The following TGFBR3 variants were observed in gnomAD, a reference collection of about 807,000 sequenced individuals.
TGFBR3 encodes transforming growth factor beta receptor 3, also known as transforming growth factor beta receptor type 3.
Under a neutral mutation model 87.9 loss-of-function variants are expected in TGFBR3, and 46 were observed. The ratio of observed to expected loss-of-function variants is 0.52; its 90% CI spans 0.41 to 0.67. TGFBR3 has a LOEUF of 0.67. TGFBR3 is among the 30% of genes least tolerant of loss of function. The probability of loss-of-function intolerance (pLI) is 0.00; values close to 1 mark genes in which losing one functional copy is unlikely to be tolerated. For missense variants in TGFBR3, 866 were observed against 1,041.9 expected (o/e 0.83, Z 2.32); for synonymous variants, 381 against 391.6 (o/e 0.97, Z 0.32).
chr1:91,721,918 G>A, intron 8 of TGFBR3, 37 bp downstream of exon 8: 1 of 1,585,822 alleles, frequency 6.3e-7, no homozygotes, highest in South Asian at 1.1e-5. Context: ...TCATTTGGGG[G>A]GTATTTTTTA....
At chr1:91,827,172 G>A (rs4658276) in intron 2 of TGFBR3, among the ~76,000 whole-genome samples, 43,570 of 151,996 alleles carry the variant, frequency 0.29, 7,016 homozygotes, top group African/African-American at 0.43. Context: ...TGGGGACGCC[G>A]TAGGTGTGAT....
rs867942218 is a variant in TGFBR3, at chr1:91,840,496, A to G, written c.61+20975T>C. Among the ~76,000 whole-genome samples the G allele has an allele frequency of 7.6e-3, 1,091 of 143,474 alleles. 34 individuals carry two copies. The highest frequency in any genetic ancestry group is 0.027 in the African/African-American group (1,032 of 38,278). The allele number at this position is 143,474 out of a possible 152,430, so 94.1% of individuals were successfully genotyped here. Reference sequence around the variant, plus strand: ...TTGTAATATCATGCATGATTTTGTAATATCATGCATGATTTTGTAATATCA... The same window carrying G: ...TTGTAATATCATGCATGATTTTGTAGTATCATGCATGATTTTGTAATATCA... On this transcript the variant is annotated intron_variant, in intron 2 of 16. Coordinates refer to ENST00000212355, the MANE Select transcript of TGFBR3 (RefSeq NM_003243.5).
intron 2 of TGFBR3, among the ~76,000 whole-genome samples, chr1:91,842,720 A>C (rs1242152093): frequency 3.9e-5 from 6 of 152,184 alleles, no homozygotes; most frequent in Non-Finnish European, 4.4e-5. Context: ...ATATTGTCTA[A>C]ATAAAGATTA....
In TGFBR3 at chr1:91,716,655, A is replaced by G. The variant is rs61748119; in HGVS notation, c.1620T>C (p.Tyr540=). 22 of 1,614,130 alleles carry G rather than the reference A, an allele frequency of 1.4e-5. No homozygotes were observed. The East Asian group carries it at 3.6e-4, about 26-fold the overall frequency. Residue 540 remains tyrosine, a synonymous_variant, in exon 11 of 17, where the codon TAT becomes TAC. Transcript: ENST00000212355. ...CATTATCACCTGACTCCAGATCTTC[A>G]TAACCATCTGGCCAACCACTACTGT... is the stretch of plus-strand genomic sequence containing the variant. ...LGDSSGWPDG[Y]EDLESGDNGF...
chr1:91,751,685 T>G (rs1448896162), intron 4 of TGFBR3, among the ~76,000 whole-genome samples: 2 of 152,134 alleles, frequency 1.3e-5, no homozygotes, highest in Non-Finnish European at 2.9e-5. Context: ...CAGCTCCAGC[T>G]TCTTCACCCA....
intron 6 of TGFBR3, among the ~76,000 whole-genome samples, chr1:91,728,789 C>T (rs1157116016): frequency 6.6e-6 from 1 of 152,134 alleles, no homozygotes; most frequent in Non-Finnish European, 1.5e-5. Flanking sequence ...AATCCCTCTA[C>T]AATATACATT....
chr1:91,855,525 G>A (rs112782241), intron 2 of TGFBR3, among the ~76,000 whole-genome samples: 5 of 152,340 alleles, frequency 3.3e-5, no homozygotes, highest in African/African-American at 1.2e-4. Context: ...AAGATGTGTA[G>A]AACAGTTGGG....
rs541275841 is a variant in TGFBR3, at chr1:91,856,568, G to A, written c.61+4903C>T. On this transcript the variant is annotated intron_variant, in intron 2 of 16. Coordinates refer to ENST00000212355, the MANE Select transcript of TGFBR3 (RefSeq NM_003243.5). ...TTGGGCTCAATTTACGTGCTCCCTT[G>A]TGCTCTGCCCCTCCTCTGGCCACAT... 2.6e-5 allele frequency among the ~76,000 whole-genome samples: 4 copies of A among 152,286 alleles called. No homozygotes were observed. In the South Asian group the frequency reaches 8.3e-4, roughly 32 times the overall value.
chr1:91,780,774 T>C (rs1199708463), intron 3 of TGFBR3, among the ~76,000 whole-genome samples: 1 of 151,622 alleles, frequency 6.6e-6, no homozygotes, highest in Non-Finnish European at 1.5e-5. Flanking sequence ...GTTAGGCTGG[T>C]CTCGAACTCC....
chr1:91,833,475 A>G (rs1294811018), intron 2 of TGFBR3, among the ~76,000 whole-genome samples: 1 of 149,116 alleles, frequency 6.7e-6, no homozygotes, highest in East Asian at 2.0e-4. Flanking sequence ...AAAAAAAAAA[A>G]AAAAAAAAAA....
At chr1:91,811,040 G>A (rs1372005707) in intron 2 of TGFBR3, among the ~76,000 whole-genome samples, 2 of 152,230 alleles carry the variant, frequency 1.3e-5, no homozygotes, top group Non-Finnish European at 2.9e-5. Flanking sequence ...GGCAGGTGCA[G>A]TGGCTCACAC....
chr1:91,703,568 T>C (rs970969107), intron 14 of TGFBR3, among the ~76,000 whole-genome samples: 19 of 152,204 alleles, frequency 1.2e-4, no homozygotes, highest in Admixed American at 9.8e-4. Context: ...ACATCCATGC[T>C]CTTCTGTGTA....
At chr1:91,839,352 T>C (rs1232595291) in intron 2 of TGFBR3, among the ~76,000 whole-genome samples, 2 of 152,212 alleles carry the variant, frequency 1.3e-5, no homozygotes, top group Admixed American at 1.3e-4. Context: ...AAATAATCAT[T>C]TCTTAAGTTT....
At chr1:91,829,035 C>T (rs2101080442) in intron 2 of TGFBR3, among the ~76,000 whole-genome samples, 1 of 152,248 alleles carries the variant, frequency 6.6e-6, no homozygotes, top group African/African-American at 2.4e-5. Flanking sequence ...AACCCCGCCC[C>T]CTCCACCATG....
chr1:91,744,949 C>G (rs1673287965), intron 4 of TGFBR3, among the ~76,000 whole-genome samples: 2 of 152,032 alleles, frequency 1.3e-5, no homozygotes, highest in Admixed American at 6.6e-5. Flanking sequence ...CCATAGCTCC[C>G]CAATGATAAT....
intron 2 of TGFBR3, among the ~76,000 whole-genome samples, chr1:91,816,841 T>A (rs1676246913): frequency 6.6e-6 from 1 of 152,194 alleles, no homozygotes; most frequent in South Asian, 2.1e-4. Context: ...TTACTTTTTT[T>A]CCCCCAAATG....
chr1:91,720,337 A>G, intron 8 of TGFBR3, 107 bp from the exon 9 acceptor site: 1 of 1,084,884 alleles, frequency 9.2e-7, no homozygotes, highest in Admixed American at 2.0e-5. Context: ...CAGGTGTAAA[A>G]TGACTTTTAA....
At chr1:91,823,343 C>T (rs969275281) in intron 2 of TGFBR3, among the ~76,000 whole-genome samples, 6 of 152,194 alleles carry the variant, frequency 3.9e-5, no homozygotes, top group South Asian at 2.1e-4. Context: ...TATAAAGTTA[C>T]ATACAACTCA....
Position 91,683,313 on chromosome 1 carries a change from G to A in TGFBR3, c.*426C>T, listed in dbSNP as rs192924147. 1.9e-4 allele frequency: 90 copies of A among 461,840 alleles called. 1 individual carries two copies. The Middle Eastern group carries it at 4.7e-3, about 24-fold the overall frequency. The allele number at this position is 461,840 out of a possible 1,614,324, so 28.6% of individuals were successfully genotyped here. A position where few individuals can be genotyped will look rare whatever the true frequency, so the allele number is the denominator to read the frequency against. On this transcript the variant is annotated 3_prime_UTR_variant, in exon 17 of 17. Coordinates refer to ENST00000212355, the MANE Select transcript of TGFBR3 (RefSeq NM_003243.5). ...TTGGTTCAGATATAAAGAATCTTTG[G>A]CCGCATCTCCTCACTGGTTCTACTA... is the stretch of plus-strand genomic sequence containing the variant.
Sources: allele counts gnomAD v4.1 joint callset (sites outside exome capture counted in the v4.1 genomes callset), GRCh38; gene constraint gnomAD v4.1.1; transcripts MANE v1.5; gene names NCBI Gene and HGNC (gene_info 2026-07-23, HGNC 2026-07-21).